The following TACC3 variants were observed in gnomAD, a reference collection of about 807,000 sequenced individuals.
The protein encoded by TACC3 is transforming acidic coiled-coil containing protein 3.
In TACC3, 52 loss-of-function variants were observed where a neutral mutation model predicts 86.0. That is an observed-to-expected ratio of 0.60 (90% confidence interval 0.48 to 0.76). The LOEUF (loss-of-function observed/expected upper bound fraction) is 0.76. Ranked by LOEUF, TACC3 falls within the 30% of genes least tolerant of loss-of-function variation. TACC3 has a pLI of 0.00. For synonymous variants in TACC3, 512 were observed against 430.0 expected, an observed-to-expected ratio of 1.19 and a Z score of -2.36; for missense variants, 1,120 against 1,070.4, an observed-to-expected ratio of 1.05 and a Z score of -0.65.
intron 13 of TACC3, among the ~76,000 whole-genome samples, chr4:1,743,430 G>A (rs1395344497): frequency 1.3e-5 from 2 of 152,080 alleles, no homozygotes; most frequent in African/African-American, 4.8e-5. Context: ...GCACGCACCT[G>A]TAGTCCCAGC....
At chr4:1,727,609 C>A in intron 3 of TACC3, 99 bp from the exon 4 acceptor site, 1 of 1,510,512 alleles carries the variant, frequency 6.6e-7, no homozygotes, top group Non-Finnish European at 8.8e-7. Flanking sequence ...AGCCCTGCTT[C>A]TGGTGTGAGA....
chr4:1,734,715 G>C (rs1210670099), intron 6 of TACC3, among the ~76,000 whole-genome samples: 2 of 152,192 alleles, frequency 1.3e-5, no homozygotes, highest in East Asian at 3.9e-4. Flanking sequence ...CCGCTGCCCA[G>C]GTTGGAGTGC....
intron 4 of TACC3, 127 bp from the exon 5 acceptor site, chr4:1,730,760 T>C: frequency 9.0e-7 from 1 of 1,110,400 alleles, no homozygotes; most frequent in Non-Finnish European, 1.4e-6. Flanking sequence ...CCTGGCACGC[T>C]CTAGCTGAAT....
intron 3 of TACC3, among the ~76,000 whole-genome samples, chr4:1,726,484 C>A (rs572830276): frequency 2.0e-4 from 31 of 152,330 alleles, no homozygotes; most frequent in African/African-American, 7.2e-4. Flanking sequence ...GGCATGTCCT[C>A]GGGTGAGGTT....
At chr4:1,730,512 G>T in intron 4 of TACC3, 1 of 403,236 alleles carries the variant, frequency 2.5e-6, no homozygotes, top group Non-Finnish European at 4.9e-6. Flanking sequence ...TTGGTGTCTT[G>T]CCTTGGCCCC....
intron 13 of TACC3, among the ~76,000 whole-genome samples, chr4:1,742,940 C>T (rs1435589184): frequency 6.6e-6 from 1 of 152,160 alleles, no homozygotes. Context: ...GCACTCCAGC[C>T]TGGGCGACAG....
chr4:1,722,012 C>T (rs116100549), intron 1 of TACC3: 2,922 of 152,390 alleles, frequency 0.019, 115 homozygotes, highest in African/African-American at 0.066. Flanking sequence ...GTTCTTTGGT[C>T]CCTTCCGGCC....
intron 13 of TACC3, among the ~76,000 whole-genome samples, chr4:1,744,277 C>A (rs948798449): frequency 6.6e-6 from 1 of 152,220 alleles, no homozygotes; most frequent in African/African-American, 2.4e-5. Flanking sequence ...GGGGCCCAGC[C>A]GTGAGGGCAC....
In TACC3 at chr4:1,739,775, T is replaced by A; in HGVS notation, c.2015T>A (p.Leu672Gln). 6.3e-7 allele frequency: 1 copy of A among 1,585,034 alleles called. No homozygotes were observed. Among genetic ancestry groups the A allele is most frequent in the Non-Finnish European group, 8.6e-7 (1 of 1,166,808 alleles). ...CEELHGKNLE[L>Q]GKIMDRFEEV... The stretch of plus-strand genomic sequence containing the variant: ...GAGCTCCACGGGAAGAACCTGGAAC[T>A]GGGGTAAGGAGGCCCCGTCTCCTGT... The change falls in exon 11 of 16, where the codon CTG (leucine) becomes CAG (glutamine). Residue 672 changes from leucine to glutamine, a missense_variant. Transcript: ENST00000313288.
At chr4:1,741,158 G>T in intron 13 of TACC3, 172 bp downstream of exon 13, 1 of 588,036 alleles carries the variant, frequency 1.7e-6, no homozygotes, top group Non-Finnish European at 2.8e-6. Context: ...TCACAGCATA[G>T]CTGGTTTGCG....
In TACC3 at chr4:1,728,445, G is replaced by A; in HGVS notation, c.1043G>A (p.Ser348Asn). Residue 348 changes from serine to asparagine, a missense_variant, in exon 4 of 16, where the codon AGC becomes AAC. Transcript: ENST00000313288. The part of the protein sequence containing the change: ...LEFDVSDGAT[S>N]KRAPPPRRLG... ...TTTGATGTATCTGATGGCGCCACCA[G>A]CAAAAGGGCACCCCCACCAAGGAGA... 3 of 1,613,818 alleles carry A rather than the reference G, an allele frequency of 1.9e-6. No individual in the cohort carries two copies. The East Asian group carries it at 6.7e-5, about 36-fold the overall frequency.
At chr4:1,727,251 G>A (rs1214393637) in intron 3 of TACC3, among the ~76,000 whole-genome samples, 2 of 152,206 alleles carry the variant, frequency 1.3e-5, no homozygotes. Context: ...TGGGTGTGCT[G>A]TCCCACATCT....
Position 1,731,318 on chromosome 4 carries a change from A to G in TACC3, c.1591+17A>G, listed in dbSNP as rs1257641072. On this transcript the variant is annotated intron_variant, in intron 6 of 15. Transcript: ENST00000313288. ...CCGCTGAGGGTACGTTGCCTGGCAC[A>G]GACGTCACACACAGTCTGCCCGGAG... The G allele has an allele frequency of 6.8e-6, 11 of 1,612,390 alleles. No individual in the cohort carries two copies. The highest frequency in any genetic ancestry group is 8.5e-6 in the Non-Finnish European group (10 of 1,179,762).
At chr4:1,720,786 A>T (rs1338957868), upstream of TACC3, 1 of 1,595,362 alleles carries the variant, frequency 6.3e-7, no homozygotes, top group Non-Finnish European at 8.5e-7. This position sits in a 1 kb window ranked among gnomAD's most constrained non-coding sequence, Gnocchi z 4.4. Flanking sequence ...AACACGAAGC[A>T]CACGGCGAAC....
chr4:1,723,390 A>T (rs1391548384), intron 1 of TACC3, 31 bp from the exon 2 acceptor site: 2 of 1,603,898 alleles, frequency 1.2e-6, no homozygotes, highest in East Asian at 4.5e-5. Flanking sequence ...TGTTGCCCTC[A>T]CACTGACACA....
intron 4 of TACC3, 170 bp from the exon 5 acceptor site, chr4:1,730,716 GT>G: frequency 1.2e-6 from 1 of 801,468 alleles, no homozygotes; most frequent in Non-Finnish European, 2.2e-6. Context: ...TGGTGAGGCA[GT>G]TTTGTGGCCA....
chr4:1,731,345 G>T (rs756426507), intron 6 of TACC3, 44 bp downstream of exon 6: 2 of 1,597,418 alleles, frequency 1.3e-6, no homozygotes, highest in Non-Finnish European at 1.7e-6. Context: ...TGCCCGGAGG[G>T]GATCCCGTGA....
At chr4:1,737,877 G>A (rs1024450742) in intron 10 of TACC3, 175 bp downstream of exon 10, 11 of 716,830 alleles carry the variant, frequency 1.5e-5, no homozygotes, top group African/African-American at 7.0e-5. Flanking sequence ...TGCCCAGGTC[G>A]CTGAGGGTCC....
intron 10 of TACC3, chr4:1,738,114 G>A (rs761942649): frequency 6.8e-5 from 24 of 351,876 alleles, no homozygotes; most frequent in African/African-American, 1.3e-4. Flanking sequence ...TGAGGGTCCC[G>A]TGCCTTGTCT....
Sources: gnomAD v4.1 joint callset for allele counts (sites outside exome capture counted in the v4.1 genomes callset) on GRCh38, gnomAD v4.1.1 for gene constraint, Gnocchi (gnomAD v3.1) non-coding constraint, MANE v1.5 for transcripts, NCBI Gene and HGNC (gene_info 2026-07-23, HGNC 2026-07-21) for gene names.